CAPZB: variants seen among roughly 807,000 people sequenced by gnomAD.
The protein encoded by CAPZB is F-actin-capping protein subunit beta.
A neutral mutation model predicts 38.1 loss-of-function variants in CAPZB; 2 were observed. The ratio of observed to expected loss-of-function variants is 0.05; its 90% CI spans 0.02 to 0.17. The LOEUF (loss-of-function observed/expected upper bound fraction) is 0.17. Among genes scored for constraint, CAPZB ranks in the 10% least tolerant of loss-of-function variants. CAPZB has a pLI of 1.00. For missense variants in CAPZB, 161 were observed against 334.2 expected (o/e 0.48, Z 4.04); for synonymous variants, 107 against 127.4 (o/e 0.84, Z 1.08).
intron 1 of CAPZB, among the ~76,000 whole-genome samples, chr1:19,443,565 C>T (rs1432037445): frequency 6.6e-6 from 1 of 152,116 alleles, no homozygotes; most frequent in South Asian, 2.1e-4. Context: ...CCTCCCTGAG[C>T]CAAAATTAAA....
At chr1:19,363,927 G>C (rs2094068752) in intron 4 of CAPZB, among the ~76,000 whole-genome samples, 1 of 152,238 alleles carries the variant, frequency 6.6e-6, no homozygotes. Context: ...GACCTGCTGG[G>C]AGCAGGGCTT....
chr1:19,340,886 A>T (rs1009371162), intron 8 of CAPZB, among the ~76,000 whole-genome samples: 1 of 151,992 alleles, frequency 6.6e-6, no homozygotes, highest in African/African-American at 2.4e-5. Context: ...GGGCTGCTCA[A>T]GAAGAGTGCT....
At chr1:19,346,659 G>T (rs1271364940) in intron 6 of CAPZB, among the ~76,000 whole-genome samples, 1 of 152,058 alleles carries the variant, frequency 6.6e-6, no homozygotes, top group East Asian at 1.9e-4. Context: ...CTGACTTTCA[G>T]GCTGTGAAAG....
At chr1:19,460,285 G>T (rs2094546662) in intron 1 of CAPZB, among the ~76,000 whole-genome samples, 1 of 151,700 alleles carries the variant, frequency 6.6e-6, no homozygotes, top group Non-Finnish European at 1.5e-5. Context: ...TTGTTTGTTT[G>T]TTTTTTTATG....
At chr1:19,387,345 C>T (rs2094209577) in intron 2 of CAPZB, among the ~76,000 whole-genome samples, 3 of 152,230 alleles carry the variant, frequency 2.0e-5, no homozygotes, top group Admixed American at 2.0e-4. Context: ...CAGCCCTCTC[C>T]TAGCCCCAGC....
At chr1:19,419,018 T>C (rs532979842) in intron 2 of CAPZB, among the ~76,000 whole-genome samples, 3 of 152,240 alleles carry the variant, frequency 2.0e-5, no homozygotes, top group African/African-American at 7.2e-5. Context: ...TGATTTTATT[T>C]CTTTCCAATA....
chr1:19,477,601 G>A (rs751939849), intron 1 of CAPZB, among the ~76,000 whole-genome samples: 4 of 152,202 alleles, frequency 2.6e-5, no homozygotes, highest in Non-Finnish European at 4.4e-5. Context: ...AAAGCCTCAC[G>A]ACGGAGAAGC....
chr1:19,484,878 G>A (rs535670335), intron 1 of CAPZB, among the ~76,000 whole-genome samples: 1 of 152,202 alleles, frequency 6.6e-6, no homozygotes, highest in Non-Finnish European at 1.5e-5. Context: ...AGGAGATTCA[G>A]GCTGAGGCCA....
At chr1:19,483,501 G>A (rs1224540706) in intron 1 of CAPZB, among the ~76,000 whole-genome samples, 2 of 152,236 alleles carry the variant, frequency 1.3e-5, no homozygotes, top group African/African-American at 4.8e-5. Context: ...CACAGTGACT[G>A]GCAGACAGTT....
At chr1:19,442,692 C>T (rs532427856) in intron 1 of CAPZB, among the ~76,000 whole-genome samples, 26 of 152,302 alleles carry the variant, frequency 1.7e-4, no homozygotes, top group Non-Finnish European at 3.2e-4. Context: ...AGCAGCCCAG[C>T]TGCTCTGAAG....
intron 4 of CAPZB, among the ~76,000 whole-genome samples, chr1:19,367,107 T>C (rs2094093041): frequency 6.6e-6 from 1 of 152,246 alleles, no homozygotes; most frequent in Non-Finnish European, 1.5e-5. Context: ...CCCTGTCCAA[T>C]GGATGGGCGT....
chr1:19,352,045 A>C (rs1056110583), intron 6 of CAPZB, among the ~76,000 whole-genome samples: 1 of 152,172 alleles, frequency 6.6e-6, no homozygotes, highest in Non-Finnish European at 1.5e-5. Flanking sequence ...ACAGGACACG[A>C]GGAGCGGGTG....
At chr1:19,450,641 A>G (rs960738929) in intron 1 of CAPZB, among the ~76,000 whole-genome samples, 4 of 117,484 alleles carry the variant, frequency 3.4e-5, no homozygotes, top group Non-Finnish European at 5.5e-5. Context: ...CAGAGCTGGA[A>G]GCCTGGTTCC....
At chr1:19,413,904 T>C (rs1451264912) in intron 2 of CAPZB, among the ~76,000 whole-genome samples, 31 of 152,130 alleles carry the variant, frequency 2.0e-4, no homozygotes, top group Non-Finnish European at 1.5e-5. Context: ...CCTGGAAAAA[T>C]GATTTCCAGA....
intron 2 of CAPZB, among the ~76,000 whole-genome samples, chr1:19,416,510 T>C (rs1241127053): frequency 6.6e-6 from 1 of 152,092 alleles, no homozygotes; most frequent in Non-Finnish European, 1.5e-5. Context: ...AGTCCCCAGC[T>C]TAGTCCTGGG....
At chr1:19,419,062 T>C (rs2094391504) in intron 2 of CAPZB, among the ~76,000 whole-genome samples, 2 of 152,366 alleles carry the variant, frequency 1.3e-5, no homozygotes, top group Admixed American at 1.3e-4. Context: ...TTTGAATATT[T>C]TGAGCACTCT....
At chr1:19,342,542 A>C (rs1042576955) in intron 8 of CAPZB, among the ~76,000 whole-genome samples, 16 of 152,220 alleles carry the variant, frequency 1.1e-4, no homozygotes, top group Non-Finnish European at 2.9e-5. Flanking sequence ...CCCAGCCTCC[A>C]CCCAGAGTGG....
chr1:19,485,520 G>T lies in CAPZB; in HGVS notation c.-82C>A. The T allele has an allele frequency of 8.6e-7, 1 of 1,161,332 alleles. No homozygotes were observed. 71.9% of individuals were successfully genotyped at this position (1,161,332 alleles called of 1,614,324 possible). A position where few individuals can be genotyped will look rare whatever the true frequency, so the allele number is the denominator to read the frequency against. ...CAGGGCCCGGCGCTTCCACTTCCCC[G>T]GGTGCCCAGGAGTGAACATCCGGGT... On this transcript the variant is annotated 5_prime_UTR_variant, in exon 1 of 9. Coordinates refer to ENST00000264202, the MANE Select transcript of CAPZB (RefSeq NM_004930.5).
chr1:19,447,773 C>T (rs1203498271), intron 1 of CAPZB, among the ~76,000 whole-genome samples: 2 of 152,196 alleles, frequency 1.3e-5, no homozygotes, highest in African/African-American at 2.4e-5. Context: ...CCCAGCAGCT[C>T]GCAGGCCACA....
Sources: gnomAD v4.1 joint callset for allele counts (sites outside exome capture counted in the v4.1 genomes callset) on GRCh38, gnomAD v4.1.1 for gene constraint, MANE v1.5 for transcripts, NCBI Gene and HGNC (gene_info 2026-07-23, HGNC 2026-07-21) for gene names.